The following FH variants were observed in gnomAD, a reference collection of about 807,000 sequenced individuals.
FH encodes fumarate hydratase, mitochondrial.
FH carries 22 observed loss-of-function variants against 49.4 expected under a neutral mutation model. The observed-to-expected ratio is 0.45, with a 90% CI of 0.32 to 0.64. The LOEUF (loss-of-function observed/expected upper bound fraction) is 0.64, where lower values mean the gene tolerates loss of function less well. Ranked by LOEUF, FH falls within the 30% of genes least tolerant of loss-of-function variation. The probability of loss-of-function intolerance (pLI) is 0.05; values close to 1 mark genes in which losing one functional copy is unlikely to be tolerated. For synonymous variants in FH, 208 were observed against 223.0 expected (o/e 0.93, Z 0.60); for missense variants, 526 against 641.5 (o/e 0.82, Z 1.95).
chr1:241,514,376 T>C lies in FH; in HGVS notation c.268-663A>G, dbSNP rs1451337269. On this transcript the variant is annotated intron_variant, in intron 2 of 9. Coordinates refer to ENST00000366560, the MANE Select transcript of FH (RefSeq NM_000143.4). ...CAGACCTAAAGGTGACAGCTTCCGA[T>C]ATATATAAAACCCCATTAATGCAGA... Among the ~76,000 whole-genome samples the C allele has an allele frequency of 2.6e-5, 4 of 152,324 alleles. No homozygotes were observed. In the East Asian group the frequency reaches 5.8e-4, roughly 22 times the overall value.
At chr1:241,506,343 T>G (rs923701342) in intron 5 of FH, among the ~76,000 whole-genome samples, 175 bp from the exon 6 acceptor site, 7 of 152,318 alleles carry the variant, frequency 4.6e-5, no homozygotes, top group African/African-American at 1.7e-4. Context: ...TAGGGAAGGA[T>G]GAGGGTTTAT....
intron 3 of FH, 37 bp downstream of exon 3, chr1:241,513,566 C>T: frequency 6.9e-7 from 1 of 1,445,366 alleles, no homozygotes; most frequent in South Asian, 1.1e-5. Flanking sequence ...TGGCATGGGT[C>T]TGAGGTTATT....
chr1:241,502,409 T>C (rs1357518467), intron 8 of FH, 34 bp downstream of exon 8: 1 of 1,612,922 alleles, frequency 6.2e-7, no homozygotes, highest in African/African-American at 1.3e-5. Flanking sequence ...AAGCCTTTGG[T>C]CAAAAAACAT....
intron 2 of FH, among the ~76,000 whole-genome samples, chr1:241,515,458 A>AC (rs1314099210): frequency 1.3e-5 from 2 of 152,060 alleles, no homozygotes; most frequent in East Asian, 3.8e-4. Context: ...ATTGGTCACT[A>AC]CCCTTTTTCA....
chr1:241,500,670 A>G (rs1030047090), intron 8 of FH, 80 bp from the exon 9 acceptor site: 29 of 1,567,536 alleles, frequency 1.9e-5, no homozygotes, highest in Admixed American at 1.4e-4. Flanking sequence ...TTTTTGTCCA[A>G]TAACATATTA....
chr1:241,504,860 A>G (rs1659873510), intron 6 of FH, among the ~76,000 whole-genome samples: 1 of 151,852 alleles, frequency 6.6e-6, no homozygotes, highest in Non-Finnish European at 1.5e-5. Flanking sequence ...AGTAAAAAGT[A>G]TATGGGAATT....
rs1573888362 is a variant in FH at position 241,517,209 on chromosome 1, C to G, written c.240G>C (p.Lys80Asn). ...AQTVRSTMNF[K>N]IGGVTERMPT... is the part of the protein sequence containing the mutation. ...GCATGCGTTCTGTCACACCTCCAAT[C>G]TTAAAGTTCATCGTAGATCTCACGG... The change falls in exon 2 of 10, where the codon AAG (lysine) becomes AAC (asparagine). Residue 80 changes from lysine to asparagine, a missense_variant. Transcript: ENST00000366560. 1 of 1,614,192 alleles carries G rather than the reference C, an allele frequency of 6.2e-7. No homozygotes were observed. The highest frequency in any genetic ancestry group is 1.7e-5 in the Admixed American group (1 of 60,022).
intron 4 of FH, among the ~76,000 whole-genome samples, chr1:241,510,218 A>T (rs1462409721): frequency 6.6e-6 from 1 of 152,216 alleles, no homozygotes; most frequent in Admixed American, 6.5e-5. Flanking sequence ...ATTTTCCAAT[A>T]AGAATTCTCC....
rs1474982294 is a variant in FH at position 241,506,061 on chromosome 1, A to G, written c.846T>C (p.Gly282=). 1 of 1,613,970 alleles carries G rather than the reference A, an allele frequency of 6.2e-7. No homozygotes were observed. The highest frequency in any genetic ancestry group is 8.5e-7 in the Non-Finnish European group (1 of 1,179,956). ...LAAGGTAVGT[G]LNTRIGFAEK... ...CTGCAAAGCCAATTCTAGTATTTAA[A>G]CCTGTACCAACAGCAGTGCCTCCAG... The change falls in exon 6 of 10, where the codon GGT becomes GGC. Residue 282 remains glycine (G), a synonymous_variant. Coordinates refer to ENST00000366560, the MANE Select transcript of FH (RefSeq NM_000143.4).
chr1:241,500,024 T>A (rs1659729098), intron 9 of FH, among the ~76,000 whole-genome samples: 1 of 152,140 alleles, frequency 6.6e-6, no homozygotes, highest in Non-Finnish European at 1.5e-5. Context: ...AACAACAAAA[T>A]TAAAGCATTG....
intron 4 of FH, among the ~76,000 whole-genome samples, chr1:241,510,312 G>C (rs893815113): frequency 1.3e-5 from 2 of 152,152 alleles, no homozygotes; most frequent in African/African-American, 4.8e-5. Context: ...TAAAGTACCA[G>C]GAAGTCGGAA....
Position 241,503,651 on chromosome 1 carries a change from C to T in FH, c.1108+391G>A, listed in dbSNP as rs185473867. ...TCCACTGGAATCAATGACTATCATG[C>T]GAATCTATCAAATGACTTGCTGAAA... On this transcript the variant is annotated intron_variant, in intron 7 of 9. Coordinates refer to ENST00000366560, the MANE Select transcript of FH (RefSeq NM_000143.4). Among the ~76,000 whole-genome samples the T allele has an allele frequency of 3.5e-3, 535 of 152,342 alleles. 2 individuals are homozygous for T. Among genetic ancestry groups the T allele is most frequent in the Non-Finnish European group, 3.1e-3 (209 of 68,038 alleles).
chr1:241,505,368 G>A (rs762580129), intron 6 of FH, among the ~76,000 whole-genome samples: 4 of 152,090 alleles, frequency 2.6e-5, no homozygotes, highest in Non-Finnish European at 4.4e-5. Flanking sequence ...ATCTACATTT[G>A]CCAAACCCTA....
chr1:241,510,185 C>T (rs1219730490), intron 4 of FH, among the ~76,000 whole-genome samples: 2 of 152,050 alleles, frequency 1.3e-5, no homozygotes, highest in African/African-American at 2.4e-5. Flanking sequence ...TACTTAGCAC[C>T]CAGATCTCAG....
At position 241,504,030 on chromosome 1, in the gene FH, C is replaced by T. The variant is rs2147915996; in HGVS notation, c.1108+12G>A. 6.2e-7 allele frequency: 1 copy of T among 1,611,366 alleles called. No homozygotes were observed. The highest frequency in any genetic ancestry group is 1.1e-5 in the South Asian group (1 of 90,616). ...AAGTTTTAGCTCCAACATTTACTAGCTATGTGATTACCTGGCATGATACTG... is the reference window on the plus strand; with the variant it reads ...AAGTTTTAGCTCCAACATTTACTAGTTATGTGATTACCTGGCATGATACTG... On this transcript the variant is annotated intron_variant, in intron 7 of 9. Transcript: ENST00000366560.
rs1257171588 is a variant in FH, at chr1:241,517,468, T to A, written c.133-152A>T. On this transcript the variant is annotated intron_variant, in intron 1 of 9. Transcript: ENST00000366560. Reference sequence around the variant, plus strand: ...TGGATTCTCATTCTCTTCCTCACTTTCAGGTCTTTCCTTGAGAGCTCTTTG... The same window carrying A: ...TGGATTCTCATTCTCTTCCTCACTTACAGGTCTTTCCTTGAGAGCTCTTTG... The A allele has an allele frequency of 6.0e-6, 5 of 834,318 alleles. No individual in the cohort carries two copies. In the Admixed American group the frequency reaches 1.0e-4, roughly 17 times the overall value. The allele number at this position is 834,318 out of a possible 1,614,324, so 51.7% of individuals were successfully genotyped here.
In FH at chr1:241,506,127, T is replaced by C; in HGVS notation, c.780A>G (p.Thr260=). The C allele has an allele frequency of 6.2e-7, 1 of 1,613,966 alleles. No homozygotes were observed. Among genetic ancestry groups the C allele is most frequent in the Non-Finnish European group, 8.5e-7 (1 of 1,179,888 alleles). ...TTCTTGGCATGGCAGCTTTTATTCT[T>C]GTCATTGCATATTTTACTTGTTGAA... ...GYVQQVKYAM[T]RIKAAMPRIY... is the part of the protein sequence containing the mutation. Residue 260 remains threonine (T), a synonymous_variant, in exon 6 of 10, where the codon ACA becomes ACG. Transcript: ENST00000366560.
At chr1:241,503,897 C>T in intron 7 of FH, 145 bp downstream of exon 7, 1 of 850,906 alleles carries the variant, frequency 1.2e-6, no homozygotes, top group Non-Finnish European at 1.9e-6. Flanking sequence ...CAGTCCTGAC[C>T]AGAGGACCAC....
Position 241,502,438 on chromosome 1 carries a change from C to CT in FH, c.1236+4dup, listed in dbSNP as rs1331273989. The CT allele has an allele frequency of 6.8e-6, 11 of 1,613,830 alleles. No individual in the cohort carries two copies. Among genetic ancestry groups the CT allele is most frequent in the Non-Finnish European group, 9.3e-6 (11 of 1,179,920 alleles). On this transcript the variant is annotated splice_donor_region_variant and intron_variant, in intron 8 of 9. Coordinates refer to ENST00000366560, the MANE Select transcript of FH (RefSeq NM_000143.4). ...AAAACATTAAAAATCAGATTTAAAG[C>CT]TTACCATCATTGGCTTGAAAACATT...
Sources: allele counts gnomAD v4.1 joint callset (sites outside exome capture counted in the v4.1 genomes callset), GRCh38; gene constraint gnomAD v4.1.1; transcripts MANE v1.5; gene names NCBI Gene and HGNC (gene_info 2026-07-23, HGNC 2026-07-21).